USP6NL: variants seen among roughly 807,000 people sequenced by gnomAD.
USP6NL encodes the protein USP6 N-terminal like.
A neutral mutation model predicts 61.9 loss-of-function variants in USP6NL; 26 were observed. That is an observed-to-expected ratio of 0.42 (90% CI 0.31 to 0.58). The LOEUF (loss-of-function observed/expected upper bound fraction) is 0.58, where lower values mean the gene tolerates loss of function less well. USP6NL is among the 20% of genes least tolerant of loss of function. USP6NL has a pLI of 0.16. For synonymous variants in USP6NL, 432 were observed against 390.1 expected (o/e 1.11, Z -1.27); for missense variants, 1,114 against 1,034.3 (o/e 1.08, Z -1.06).
chr10:11,485,145 T>G lies in USP6NL; in HGVS notation c.825+24A>C, dbSNP rs148380229. On this transcript the variant is annotated intron_variant, in intron 12 of 14. Transcript: ENST00000609104. The surrounding 1 kb of genome is among the most constrained non-coding windows in gnomAD (Gnocchi z 4.8). ...CACCTTGTATTTATAATTTTATGACTGAGTTTTGTAAATAAATACTTACAC... is the reference window on the plus strand; with the variant it reads ...CACCTTGTATTTATAATTTTATGACGGAGTTTTGTAAATAAATACTTACAC... 2 of 1,538,326 alleles carry G rather than the reference T, an allele frequency of 1.3e-6. No individual in the cohort carries two copies. Among genetic ancestry groups the G allele is most frequent in the African/African-American group, 1.4e-5 (1 of 72,306 alleles).
chr10:11,571,459 C>T (rs992429295), intron 2 of USP6NL, among the ~76,000 whole-genome samples: 6 of 152,118 alleles, frequency 3.9e-5, no homozygotes, highest in African/African-American at 1.4e-4. Flanking sequence ...CCAAGGAAAA[C>T]TATTTGATAA....
rs1165092544 is a variant in USP6NL, at chr10:11,587,283, T to A, written c.4+10348A>T. Among the ~76,000 whole-genome samples, 1 of 152,180 alleles carries A rather than the reference T, an allele frequency of 6.6e-6. No homozygotes were observed. Reference sequence around the variant, plus strand: ...TTTAAAATCGAAGATTCAAACACCATGACCCCTAAAATATTTTAAGAAATT... The same window carrying A: ...TTTAAAATCGAAGATTCAAACACCAAGACCCCTAAAATATTTTAAGAAATT... On this transcript the variant is annotated intron_variant, in intron 2 of 14. Transcript: ENST00000609104. The surrounding 1 kb of genome is among the most constrained non-coding windows in gnomAD (Gnocchi z 4.5).
At chr10:11,556,962 C>A (rs539998395) in intron 2 of USP6NL, among the ~76,000 whole-genome samples, 1 of 152,026 alleles carries the variant, frequency 6.6e-6, no homozygotes, top group Non-Finnish European at 1.5e-5. Flanking sequence ...ATTCCTTGCA[C>A]GCACAGATGA....
intron 5 of USP6NL, among the ~76,000 whole-genome samples, chr10:11,512,914 G>A (rs1834786863): frequency 6.6e-6 from 1 of 152,142 alleles, no homozygotes; most frequent in African/African-American, 2.4e-5. Flanking sequence ...TTCATTTGGG[G>A]CAAACTACCT....
rs774665764 is a variant in USP6NL at position 11,489,228 on chromosome 10, G to C, written c.544-6C>G. 4 of 1,613,452 alleles carry C rather than the reference G, an allele frequency of 2.5e-6. No individual in the cohort carries two copies. Among genetic ancestry groups the C allele is most frequent in the Non-Finnish European group, 2.5e-6 (3 of 1,179,586 alleles). On this transcript the variant is annotated splice_polypyrimidine_tract_variant and splice_region_variant and intron_variant, in intron 9 of 14. Coordinates refer to ENST00000609104, the MANE Select transcript of USP6NL (RefSeq NM_014688.5). This position sits in a 1 kb window ranked among gnomAD's most constrained non-coding sequence, Gnocchi z 5.7. Reference sequence around the variant, plus strand: ...CCCTGACAATACCCGACTTCCTGGGGAGCAAAGGGGAACACAGAAGCTGGG... The same window carrying C: ...CCCTGACAATACCCGACTTCCTGGGCAGCAAAGGGGAACACAGAAGCTGGG...
chr10:11,570,031 A>C (rs1346932073), intron 2 of USP6NL, among the ~76,000 whole-genome samples: 1 of 152,160 alleles, frequency 6.6e-6, no homozygotes, highest in Non-Finnish European at 1.5e-5. Flanking sequence ...ATGCTCACAC[A>C]AACTCTCTTT....
In USP6NL at chr10:11,585,564, A is replaced by G. The variant is rs1464648458; in HGVS notation, c.4+12067T>C. Among the ~76,000 whole-genome samples, 1 of 152,136 alleles carries G rather than the reference A, an allele frequency of 6.6e-6. No individual in the cohort carries two copies. The highest frequency in any genetic ancestry group is 1.9e-4 in the East Asian group (1 of 5,196). ...GTACTCCCAGCTACTCGGGAGGCTGAGGAACGGGAATGGCGCGAACCCGGG... is the reference window on the plus strand; with the variant it reads ...GTACTCCCAGCTACTCGGGAGGCTGGGGAACGGGAATGGCGCGAACCCGGG... On this transcript the variant is annotated intron_variant, in intron 2 of 14. Coordinates refer to ENST00000609104, the MANE Select transcript of USP6NL (RefSeq NM_014688.5). The surrounding 1 kb of genome is among the most constrained non-coding windows in gnomAD (Gnocchi z 4.5).
intron 2 of USP6NL, among the ~76,000 whole-genome samples, chr10:11,567,335 T>C (rs1358673038): frequency 2.6e-5 from 4 of 152,206 alleles, no homozygotes; most frequent in African/African-American, 9.6e-5. Flanking sequence ...CTCCTTTCCA[T>C]AGTTAAGACA....
In USP6NL at chr10:11,478,463, AAT is replaced by A. The variant is rs79911944; in HGVS notation, c.1078+3305_1078+3306del. On this transcript the variant is annotated intron_variant, in intron 14 of 14. Transcript: ENST00000609104. The surrounding 1 kb of genome is among the most constrained non-coding windows in gnomAD (Gnocchi z 6.8). The stretch of plus-strand genomic sequence containing the variant: ...TTACTTAGAAAAACTCAATTTTTAA[AAT>A]ATCAATTTTCTCTCAAAAATCCTTA... Among the ~76,000 whole-genome samples, 2,236 of 152,358 alleles carry A rather than the reference AAT, an allele frequency of 0.015. 189 individuals carry two copies. The East Asian group carries it at 0.27, about 18-fold the overall frequency.
At chr10:11,550,360 G>A (rs866358728) in intron 2 of USP6NL, among the ~76,000 whole-genome samples, 1 of 152,132 alleles carries the variant, frequency 6.6e-6, no homozygotes, top group African/African-American at 2.4e-5. Context: ...TGTAAAATAT[G>A]TATTAGACAG....
rs959375622 is a variant in USP6NL, at chr10:11,462,116, G to A, written c.*325C>T. ...TTTGTAACATTAGTCAAAATAGAAT[G>A]AGCCAACAGAGTAAAAATGTTCAGG... is the stretch of plus-strand genomic sequence containing the variant. On this transcript the variant is annotated 3_prime_UTR_variant, in exon 15 of 15. Coordinates refer to ENST00000609104, the MANE Select transcript of USP6NL (RefSeq NM_014688.5). 3 of 276,936 alleles carry A rather than the reference G, an allele frequency of 1.1e-5. No individual in the cohort carries two copies. Among genetic ancestry groups the A allele is most frequent in the African/African-American group, 2.2e-5 (1 of 45,682 alleles). The allele number at this position is 276,936 out of a possible 1,614,324, so 17.2% of individuals were successfully genotyped here.
rs2096213043 is a variant in USP6NL at position 11,461,219 on chromosome 10, T to C, written c.*1222A>G. 1 of 152,490 alleles carries C rather than the reference T, an allele frequency of 6.6e-6. No homozygotes were observed. The highest frequency in any genetic ancestry group is 2.4e-5 in the African/African-American group (1 of 41,392). The allele number at this position is 152,490 out of a possible 1,614,324, so 9.4% of individuals were successfully genotyped here. On this transcript the variant is annotated 3_prime_UTR_variant, in exon 15 of 15. Coordinates refer to ENST00000609104, the MANE Select transcript of USP6NL (RefSeq NM_014688.5). ...TATCTGTAGTGTAACAGAATATTTTTTAAAGACATCACTAATTTTTTTTTA... is the reference window on the plus strand; with the variant it reads ...TATCTGTAGTGTAACAGAATATTTTCTAAAGACATCACTAATTTTTTTTTA...
At chr10:11,568,804 C>T (rs914524694) in intron 2 of USP6NL, among the ~76,000 whole-genome samples, 1 of 152,146 alleles carries the variant, frequency 6.6e-6, no homozygotes, top group Non-Finnish European at 1.5e-5. Context: ...ACTCACATTC[C>T]AGGTAGAAAG....
At chr10:11,569,801 A>G (rs980925144) in intron 2 of USP6NL, among the ~76,000 whole-genome samples, 7 of 152,238 alleles carry the variant, frequency 4.6e-5, no homozygotes, top group African/African-American at 1.7e-4. Flanking sequence ...ATTGTTTCAG[A>G]AAGCTATTTC....
At chr10:11,483,766 A>C (rs1833342662) in intron 13 of USP6NL, among the ~76,000 whole-genome samples, 1 of 151,730 alleles carries the variant, frequency 6.6e-6, no homozygotes, top group African/African-American at 2.4e-5. Flanking sequence ...CAGATGACAG[A>C]CTTGAATCCT....
chr10:11,492,240 T>C (rs892738965), intron 8 of USP6NL, among the ~76,000 whole-genome samples: 1 of 152,208 alleles, frequency 6.6e-6, no homozygotes, highest in Non-Finnish European at 1.5e-5. Context: ...GTGGTGTGTG[T>C]GAGTGCCAAG....
chr10:11,509,826 A>C (rs1438808512), intron 5 of USP6NL, 151 bp from the exon 6 acceptor site: 2 of 630,120 alleles, frequency 3.2e-6, no homozygotes, highest in Non-Finnish European at 5.5e-6. Context: ...GGATAATATC[A>C]GAACTGTATC....
Position 11,463,657 on chromosome 10 carries a change from G to T in USP6NL, c.1271C>A (p.Thr424Lys), listed in dbSNP as rs377168113. 1 of 1,613,938 alleles carries T rather than the reference G, an allele frequency of 6.2e-7. No homozygotes were observed. Among genetic ancestry groups the T allele is most frequent in the Admixed American group, 1.7e-5 (1 of 60,026 alleles). ...TCTTGGCGGCTGTGCTCTCTCGGGC[G>T]TCCCGGTCCTGCTCTGGGGGTGCGG... ...HSPHPQSRTGTPERAQPPRRK... is the reference protein window; with the variant it reads ...HSPHPQSRTGKPERAQPPRRK... The change falls in exon 15 of 15, where the codon ACG (threonine) becomes AAG (lysine). Residue 424 changes from threonine (T) to lysine (K), a missense_variant. Physicochemically the swap from Thr to Lys is moderately conservative, Grantham distance 78. Coordinates refer to ENST00000609104, the MANE Select transcript of USP6NL (RefSeq NM_014688.5). This position sits in a 1 kb window ranked among gnomAD's most constrained non-coding sequence, Gnocchi z 6.3.
intron 1 of USP6NL, among the ~76,000 whole-genome samples, chr10:11,604,529 G>C (rs1838648573): frequency 6.6e-6 from 1 of 152,218 alleles, no homozygotes; most frequent in Non-Finnish European, 1.5e-5. Context: ...GCCTCAATGA[G>C]GGCAAATCAT....
Sources: gnomAD v4.1 joint callset for allele counts (sites outside exome capture counted in the v4.1 genomes callset) on GRCh38, gnomAD v4.1.1 for gene constraint, Gnocchi (gnomAD v3.1) non-coding constraint, MANE v1.5 for transcripts, NCBI Gene and HGNC (gene_info 2026-07-23, HGNC 2026-07-21) for gene names.